The following P3H4 variants were observed in gnomAD, a reference collection of about 807,000 sequenced individuals.
P3H4 encodes endoplasmic reticulum protein SC65.
P3H4 carries 47 observed loss-of-function variants against 52.9 expected under a neutral mutation model. The ratio of observed to expected loss-of-function variants is 0.89; its 90% CI spans 0.70 to 1.13. The LOEUF is 1.13. Among genes scored for constraint, P3H4 ranks in the 50% most tolerant of loss-of-function variants. The pLI is 0.00. For missense variants in P3H4, 585 were observed against 611.0 expected, an observed-to-expected ratio of 0.96 and a Z score of 0.45; for synonymous variants, 256 against 267.9, an observed-to-expected ratio of 0.96 and a Z score of 0.44.
At chr17:41,806,232 A>T (rs1269200531) in intron 6 of P3H4, among the ~76,000 whole-genome samples, 2 of 151,918 alleles carry the variant, frequency 1.3e-5, no homozygotes, top group Admixed American at 1.3e-4. Flanking sequence ...AAAAAAAAAT[A>T]AATAAATAAA....
At position 41,811,290 on chromosome 17, in the gene P3H4, C is replaced by T; in HGVS notation, c.463-6G>A. ...GCCTTCTCCAGCCGGTTAGCCTGGT[C>T]GGGGGGTAGGGGGTGGGGGAGCGGG... is the stretch of plus-strand genomic sequence containing the variant. On this transcript the variant is annotated splice_polypyrimidine_tract_variant and splice_region_variant and intron_variant, in intron 1 of 7. Transcript: ENST00000393928. The surrounding 1 kb of genome is among the most constrained non-coding windows in gnomAD (Gnocchi z 4.8). The T allele has an allele frequency of 5.0e-6, 8 of 1,603,426 alleles. No homozygotes were observed. The highest frequency in any genetic ancestry group is 2.2e-5 in the East Asian group (1 of 44,774).
At chr17:41,803,912 C>G (rs1387792871) in intron 6 of P3H4, among the ~76,000 whole-genome samples, 1 of 151,920 alleles carries the variant, frequency 6.6e-6, no homozygotes, top group Non-Finnish European at 1.5e-5. Flanking sequence ...GTGCTTCCCC[C>G]ACTAGACTGT....
In P3H4 at chr17:41,811,188, C is replaced by T; in HGVS notation, c.559G>A (p.Gly187Arg). ...LTAKYLNYYQ[G>R]MLDVADESLT... ...GACTCGTCGGCGACGTCCAGCATCCCCTGATAGTAGTTGAGATACTTGGCG... is the reference window on the plus strand; with the variant it reads ...GACTCGTCGGCGACGTCCAGCATCCTCTGATAGTAGTTGAGATACTTGGCG... The change falls in exon 2 of 8, where the codon GGG becomes AGG. Residue 187 changes from glycine (G) to arginine (R), a missense_variant. Gly to Arg is a moderately radical substitution (Grantham distance 125). Transcript: ENST00000393928. This position sits in a 1 kb window ranked among gnomAD's most constrained non-coding sequence, Gnocchi z 4.8. The T allele has an allele frequency of 1.9e-6, 3 of 1,614,216 alleles. No individual in the cohort carries two copies. Among genetic ancestry groups the T allele is most frequent in the South Asian group, 1.1e-5 (1 of 91,092 alleles).
intron 6 of P3H4, 39 bp downstream of exon 6, chr17:41,806,757 C>T (rs1555614220): frequency 3.2e-6 from 5 of 1,560,902 alleles, no homozygotes; most frequent in Non-Finnish European, 4.4e-6. Context: ...CCAAGGTGTC[C>T]CCATCACAGC....
intron 4 of P3H4, among the ~76,000 whole-genome samples, chr17:41,809,430 T>C (rs1040163306): frequency 2.0e-5 from 3 of 152,074 alleles, no homozygotes; most frequent in African/African-American, 7.2e-5. Context: ...AAAAATAAAC[T>C]GTCAAGTGCT....
chr17:41,802,800 C>A lies in P3H4; in HGVS notation c.*157G>T. The A allele has an allele frequency of 4.2e-6, 3 of 715,150 alleles. No homozygotes were observed. Among genetic ancestry groups the A allele is most frequent in the Non-Finnish European group, 7.0e-6 (3 of 427,570 alleles). 44.3% of individuals were successfully genotyped at this position (715,150 alleles called of 1,614,324 possible). ...CTCCTGGCCTCAAGTGATCCACCCA[C>A]CTTGGCCTCCCAAAATGCTGGGATT... is the stretch of plus-strand genomic sequence containing the variant. On this transcript the variant is annotated 3_prime_UTR_variant, in exon 8 of 8. Transcript: ENST00000393928.
chr17:41,811,606 G>A lies in P3H4; in HGVS notation c.310C>T (p.Arg104Trp). The A allele has an allele frequency of 6.4e-7, 1 of 1,552,660 alleles. No homozygotes were observed. Among genetic ancestry groups the A allele is most frequent in the South Asian group, 1.2e-5 (1 of 83,858 alleles). The part of the protein sequence containing the change: ...GRADEWACEL[R>W]LFGRVLERAA... Reference sequence around the variant, plus strand: ...CGCTCCAGGACGCGGCCGAAGAGCCGCAGCTCGCAGGCCCACTCGTCTGCG... The same window carrying A: ...CGCTCCAGGACGCGGCCGAAGAGCCACAGCTCGCAGGCCCACTCGTCTGCG... The change falls in exon 1 of 8, where the codon CGG becomes TGG. Residue 104 changes from arginine to tryptophan, a missense_variant. Coordinates refer to ENST00000393928, the MANE Select transcript of P3H4 (RefSeq NM_006455.3). This position sits in a 1 kb window ranked among gnomAD's most constrained non-coding sequence, Gnocchi z 4.8.
rs782400093 is a variant in P3H4, at chr17:41,806,801, C to G, written c.1141G>C (p.Asp381His). 19 of 1,613,144 alleles carry G rather than the reference C, an allele frequency of 1.2e-5. No homozygotes were observed. Among genetic ancestry groups the G allele is most frequent in the Non-Finnish European group, 1.6e-5 (19 of 1,179,530 alleles). The stretch of plus-strand genomic sequence containing the variant: ...GGAAAGCAGGAGGCACTCACCTCAT[C>G]ATCTGACTGCAGGTACATGTGGGTG... Reference protein sequence around the residue: ...EFTHMYLQSDDEMELEETEPP... With the variant: ...EFTHMYLQSDHEMELEETEPP... Residue 381 changes from aspartate (D) to histidine (H), a missense_variant, in exon 6 of 8, where the codon GAT becomes CAT. Asp to His is a moderately conservative substitution (Grantham distance 81). Coordinates refer to ENST00000393928, the MANE Select transcript of P3H4 (RefSeq NM_006455.3).
intron 6 of P3H4, among the ~76,000 whole-genome samples, chr17:41,804,941 C>A (rs797025153): frequency 3.3e-5 from 5 of 151,940 alleles, no homozygotes; most frequent in African/African-American, 1.2e-4. Context: ...CCACTGCACT[C>A]CAGCCTGGGT....
chr17:41,807,311 T>A lies in P3H4; in HGVS notation c.1063-432A>T, dbSNP rs1188532867. On this transcript the variant is annotated intron_variant, in intron 5 of 7. Transcript: ENST00000393928. ...ACCTCCCTCGTCTGGACACTGCTGGTGAGGTGGCAGTATCACTGCCATTTT... is the reference window on the plus strand; with the variant it reads ...ACCTCCCTCGTCTGGACACTGCTGGAGAGGTGGCAGTATCACTGCCATTTT... 6 of 200,492 alleles carry A rather than the reference T, an allele frequency of 3.0e-5. No homozygotes were observed. The East Asian group carries it at 6.6e-4, about 22-fold the overall frequency. 12.4% of individuals were successfully genotyped at this position (200,492 alleles called of 1,614,324 possible). A position where few individuals can be genotyped will look rare whatever the true frequency, so the allele number is the denominator to read the frequency against.
rs199580933 is a variant in P3H4 at position 41,811,126 on chromosome 17, C to T, written c.615+6G>A. 8 of 1,614,140 alleles carry T rather than the reference C, an allele frequency of 5.0e-6. No individual in the cohort carries two copies. The highest frequency in any genetic ancestry group is 2.2e-5 in the East Asian group (1 of 44,886). On this transcript the variant is annotated splice_donor_region_variant and intron_variant, in intron 2 of 7. Coordinates refer to ENST00000393928, the MANE Select transcript of P3H4 (RefSeq NM_006455.3). The surrounding 1 kb of genome is among the most constrained non-coding windows in gnomAD (Gnocchi z 4.8). ...CTACAAGCCTCCTCCTGACCCTCCA[C>T]CCCACCTCGTAGGGCTGGGCCTCTA...
At chr17:41,808,037 GC>G (rs1242458328) in intron 4 of P3H4, 33 bp from the exon 5 acceptor site, 2 of 1,595,772 alleles carry the variant, frequency 1.3e-6, no homozygotes, top group Non-Finnish European at 1.7e-6. Flanking sequence ...AATTGCTCTG[GC>G]ACTTCCCCTT....
Position 41,811,661 on chromosome 17 carries a change from G to C in P3H4, c.255C>G (p.Pro85=). 1 of 1,427,936 alleles carries C rather than the reference G, an allele frequency of 7.0e-7. No individual in the cohort carries two copies. The highest frequency in any genetic ancestry group is 9.1e-7 in the Non-Finnish European group (1 of 1,102,418). The allele number at this position is 1,427,936 out of a possible 1,614,324, so 88.5% of individuals were successfully genotyped here. A position where few individuals can be genotyped will look rare whatever the true frequency, so the allele number is the denominator to read the frequency against. Residue 85 remains proline, a synonymous_variant, in exon 1 of 8, where the codon CCC becomes CCG. Coordinates refer to ENST00000393928, the MANE Select transcript of P3H4 (RefSeq NM_006455.3). The surrounding 1 kb of genome is among the most constrained non-coding windows in gnomAD (Gnocchi z 4.8). ...CGCCGTCGGGATCGGGCTTGGCCGCGGGCGCGGGGCCGCTGCAGTTGGCGT... is the reference window on the plus strand; with the variant it reads ...CGCCGTCGGGATCGGGCTTGGCCGCCGGCGCGGGGCCGCTGCAGTTGGCGT... ...FCHANCSGPA[P]AAKPDPDGGR...
intron 6 of P3H4, among the ~76,000 whole-genome samples, chr17:41,805,632 G>C (rs1156583595): frequency 6.6e-6 from 1 of 152,044 alleles, no homozygotes; most frequent in Non-Finnish European, 1.5e-5. Flanking sequence ...GCCAGATCTT[G>C]TGTTATTCTC....
At chr17:41,804,381 T>A (rs1423535347) in intron 6 of P3H4, among the ~76,000 whole-genome samples, 1 of 152,002 alleles carries the variant, frequency 6.6e-6, no homozygotes, top group Non-Finnish European at 1.5e-5. Flanking sequence ...ATCCCAGCAC[T>A]TTGGGAGGCT....
chr17:41,811,332 T>C lies in P3H4; in HGVS notation c.463-48A>G, dbSNP rs1273122290. 7.5e-6 allele frequency: 12 copies of C among 1,609,186 alleles called. No individual in the cohort carries two copies. Among genetic ancestry groups the C allele is most frequent in the Non-Finnish European group, 8.5e-6 (10 of 1,178,244 alleles). ...GGGAGCGGGTCAGCAAGACCGGAGC[T>C]CGCGGCCCCGAGCGCACGGCGGGCT... is the stretch of plus-strand genomic sequence containing the variant. On this transcript the variant is annotated intron_variant, in intron 1 of 7. Coordinates refer to ENST00000393928, the MANE Select transcript of P3H4 (RefSeq NM_006455.3). This position sits in a 1 kb window ranked among gnomAD's most constrained non-coding sequence, Gnocchi z 4.8.
intron 6 of P3H4, among the ~76,000 whole-genome samples, chr17:41,804,836 T>C (rs2047656467): frequency 6.6e-6 from 1 of 151,614 alleles, no homozygotes; most frequent in Admixed American, 6.6e-5. Context: ...TGGCTGGACA[T>C]GGTGGCGCAT....
chr17:41,810,169 CTTTTT>C (rs71155170), intron 3 of P3H4, among the ~76,000 whole-genome samples: 1 of 116,918 alleles, frequency 8.6e-6, no homozygotes. Flanking sequence ...AAAGGACAGT[CTTTTT>C]TTTTTTTTTT....
intron 5 of P3H4, 170 bp from the exon 6 acceptor site, chr17:41,807,049 G>A (rs1445740405): frequency 6.7e-6 from 4 of 595,120 alleles, no homozygotes; most frequent in East Asian, 2.8e-5. Context: ...GGAACACTGG[G>A]TTAAGGATTC....
Sources: allele counts gnomAD v4.1 joint callset (sites outside exome capture counted in the v4.1 genomes callset), GRCh38; gene constraint gnomAD v4.1.1; non-coding constraint Gnocchi (gnomAD v3.1); transcripts MANE v1.5; gene names NCBI Gene and HGNC (gene_info 2026-07-23, HGNC 2026-07-21).